Variants in CDH4 observed in about 807,000 individuals in gnomAD.
CDH4 encodes the protein cadherin-4.
In CDH4, 33 loss-of-function variants were observed where a neutral mutation model predicts 86.0. The observed-to-expected ratio is 0.38, with a 90% CI of 0.29 to 0.51. The LOEUF (loss-of-function observed/expected upper bound fraction) is 0.51. CDH4 is among the 20% of genes least tolerant of loss of function. CDH4 has a pLI of 0.86. For missense variants in CDH4, 1,114 were observed against 1,307.4 expected (o/e 0.85, Z 2.28); for synonymous variants, 555 against 549.4 (o/e 1.01, Z -0.14).
intron 2 of CDH4, among the ~76,000 whole-genome samples, chr20:61,550,040 G>T (rs912870691): frequency 6.6e-6 from 1 of 151,476 alleles, no homozygotes; most frequent in Non-Finnish European, 1.5e-5. Context: ...GGCCTCCCTG[G>T]CCTCCCTGCC....
chr20:61,680,679 T>C (rs2087501987), intron 2 of CDH4, among the ~76,000 whole-genome samples: 1 of 152,142 alleles, frequency 6.6e-6, no homozygotes, highest in African/African-American at 2.4e-5. Context: ...TCGGTAGTCA[T>C]GGTTCAGCAA....
At chr20:61,920,682 TGTC>T (rs777366477) in intron 9 of CDH4, among the ~76,000 whole-genome samples, 38 of 148,834 alleles carry the variant, frequency 2.6e-4, no homozygotes, top group African/African-American at 3.5e-4. Flanking sequence ...GGAAGCGTGG[TGTC>T]GTGATGATTG....
At chr20:61,542,087 G>A (rs772348982) in intron 2 of CDH4, among the ~76,000 whole-genome samples, 2 of 152,164 alleles carry the variant, frequency 1.3e-5, no homozygotes, top group African/African-American at 2.4e-5. Context: ...GGAATGCTGA[G>A]CCCATACCCA....
intron 2 of CDH4, among the ~76,000 whole-genome samples, chr20:61,686,774 CGT>C (rs767253419): frequency 2.3e-4 from 35 of 150,606 alleles, no homozygotes; most frequent in Admixed American, 1.3e-3. Flanking sequence ...TGCATTCGCG[CGT>C]GTGTGTGTGC....
Position 61,696,862 on chromosome 20 carries a change from C to A in CDH4, c.170-46701C>A, listed in dbSNP as rs1052694851. Among the ~76,000 whole-genome samples, 3 of 152,340 alleles carry A rather than the reference C, an allele frequency of 2.0e-5. No homozygotes were observed. In the South Asian group the frequency reaches 6.2e-4, roughly 32 times the overall value. ...GCAAGATGAGATCATCCTGGGTGAT[C>A]TAGGCGCACCCTAAATCCAATGGCA... On this transcript the variant is annotated intron_variant, in intron 2 of 15. Transcript: ENST00000614565.
chr20:61,784,073 T>G (rs1479022060), intron 4 of CDH4, among the ~76,000 whole-genome samples: 307 of 28,106 alleles, frequency 0.011, no homozygotes, highest in South Asian at 0.017. Context: ...AGAAATGTAA[T>G]CCCAGTTCCT....
chr20:61,356,725 T>C (rs1021692171), intron 2 of CDH4, among the ~76,000 whole-genome samples: 1 of 152,204 alleles, frequency 6.6e-6, no homozygotes, highest in African/African-American at 2.4e-5. Context: ...TAGTGAAGCA[T>C]GAAAAGAAAT....
chr20:61,775,041 A>G (rs1041634063), intron 4 of CDH4, among the ~76,000 whole-genome samples: 3 of 152,132 alleles, frequency 2.0e-5, no homozygotes, highest in African/African-American at 7.2e-5. Context: ...GTGTACACTT[A>G]GCAATGGGAT....
chr20:61,259,666 TTCTCTC>T (rs150471311), intron 2 of CDH4, among the ~76,000 whole-genome samples: 1 of 151,528 alleles, frequency 6.6e-6, no homozygotes, highest in Non-Finnish European at 1.5e-5. Context: ...CCAGTATTGA[TTCTCTC>T]TCTCTCTCTC....
intron 2 of CDH4, among the ~76,000 whole-genome samples, chr20:61,390,386 T>G (rs1382876093): frequency 8.5e-6 from 1 of 117,526 alleles, no homozygotes; most frequent in East Asian, 2.4e-4. Context: ...TTGCCCATAG[T>G]GCCGTGTCTG....
In CDH4 at chr20:61,393,637, A is replaced by G. The variant is rs1259220565; in HGVS notation, c.169+138700A>G. On this transcript the variant is annotated intron_variant, in intron 2 of 15. Transcript: ENST00000614565. The surrounding 1 kb of genome is among the most constrained non-coding windows in gnomAD (Gnocchi z 4.3). ...GTGTTGAGTAACAGAGACCCAAAGC[A>G]TAGTGGTTGCAGCGAGGATCATCGA... 6.6e-6 allele frequency among the ~76,000 whole-genome samples: 1 copy of G among 152,142 alleles called. No homozygotes were observed. Among genetic ancestry groups the G allele is most frequent in the Non-Finnish European group, 1.5e-5 (1 of 68,022 alleles).
intron 2 of CDH4, among the ~76,000 whole-genome samples, chr20:61,679,756 A>G (rs1047386934): frequency 6.6e-6 from 1 of 152,206 alleles, no homozygotes; most frequent in Non-Finnish European, 1.5e-5. Flanking sequence ...CGACTTAGGA[A>G]GGACGTTCTG....
intron 2 of CDH4, among the ~76,000 whole-genome samples, chr20:61,531,077 TTCGGTACACA>T (rs79901451): frequency 0.13 from 19,782 of 152,016 alleles, 1,381 homozygotes; most frequent in African/African-American, 0.17. Context: ...CTGAGGGAAA[TTCGGTACACA>T]GGCACCAGAG....
intron 2 of CDH4, among the ~76,000 whole-genome samples, chr20:61,678,569 G>C (rs1387510300): frequency 6.6e-6 from 1 of 152,224 alleles, no homozygotes; most frequent in East Asian, 1.9e-4. Flanking sequence ...TCAGTTTCCT[G>C]CACTGCAGTA....
At chr20:61,481,891 CAT>C (rs1042484420) in intron 2 of CDH4, among the ~76,000 whole-genome samples, 17 of 152,186 alleles carry the variant, frequency 1.1e-4, no homozygotes, top group African/African-American at 4.1e-4. Context: ...TCCCCCATAG[CAT>C]ATGTTTTTCA....
chr20:61,476,440 G>A (rs139014678), intron 2 of CDH4, among the ~76,000 whole-genome samples: 4 of 152,254 alleles, frequency 2.6e-5, no homozygotes, highest in Non-Finnish European at 5.9e-5. Flanking sequence ...TTTTCTAAAC[G>A]TAGACACAAC....
intron 2 of CDH4, among the ~76,000 whole-genome samples, chr20:61,706,458 CATG>C (rs2087831306): frequency 6.6e-6 from 1 of 152,266 alleles, no homozygotes; most frequent in Non-Finnish European, 1.5e-5. Flanking sequence ...TCTTAACAAA[CATG>C]ATGAGAGAAA....
At chr20:61,828,453 C>G (rs1422785582) in intron 4 of CDH4, among the ~76,000 whole-genome samples, 1 of 152,220 alleles carries the variant, frequency 6.6e-6, no homozygotes, top group Non-Finnish European at 1.5e-5. Flanking sequence ...GACCAACGAT[C>G]TGGTTTCCTC....
chr20:61,733,647 TGGAA>T (rs35430610), intron 2 of CDH4, among the ~76,000 whole-genome samples: 14,624 of 146,246 alleles, frequency 0.1, 1,093 homozygotes, highest in East Asian at 0.38. Flanking sequence ...GATGGATGAA[TGGAA>T]GGAAGGAAGG....
Sources: gnomAD v4.1 joint callset for allele counts (sites outside exome capture counted in the v4.1 genomes callset) on GRCh38, gnomAD v4.1.1 for gene constraint, Gnocchi (gnomAD v3.1) non-coding constraint, MANE v1.5 for transcripts, NCBI Gene and HGNC (gene_info 2026-07-23, HGNC 2026-07-21) for gene names.